Variants in TTN observed in about 807,000 individuals in gnomAD.
The protein encoded by TTN is connectin.
A neutral mutation model predicts 3,223.0 loss-of-function variants in TTN; 1,525 were observed. The ratio of observed to expected loss-of-function variants is 0.47; its 90% confidence interval spans 0.45 to 0.49. The LOEUF is 0.49. Ranked by LOEUF, TTN falls within the 20% of genes least tolerant of loss-of-function variation. The pLI is 0.00. For missense variants in TTN, 40,786 were observed against 43,424.0 expected (o/e 0.94, Z 5.40); for synonymous variants, 14,094 against 15,161.0 (o/e 0.93, Z 5.17).
Position 178,731,099 on chromosome 2 carries a change from A to G in TTN, c.17566T>C (p.Trp5856Arg). The change falls in exon 60 of 363, where the codon TGG becomes CGG. Residue 5856 changes from tryptophan (W) to arginine (R), a missense_variant. Transcript: ENST00000589042. ...FSGTKEITAK[W>R]FKDGQELTLG... The stretch of plus-strand genomic sequence containing the variant: ...GTCAGTTCTTGGCCATCTTTAAACC[A>G]TTTGGCTGTAATCTCCTTAGTCCCT... The G allele has an allele frequency of 6.2e-7, 1 of 1,613,694 alleles. No homozygotes were observed. Among genetic ancestry groups the G allele is most frequent in the African/African-American group, 1.3e-5 (1 of 75,008 alleles).
Position 178,569,963 on chromosome 2 carries a change from G to A in TTN, c.76169C>T (p.Pro25390Leu), listed in dbSNP as rs775467614. 2 of 1,612,130 alleles carry A rather than the reference G, an allele frequency of 1.2e-6. No homozygotes were observed. Among genetic ancestry groups the A allele is most frequent in the East Asian group, 2.2e-5 (1 of 44,726 alleles). ...CTTTTGGTAAGCAGAAGGAGGGCTTGGTTCACTAAGTCCAGCAGCATTCTC... is the reference window on the plus strand; with the variant it reads ...CTTTTGGTAAGCAGAAGGAGGGCTTAGTTCACTAAGTCCAGCAGCATTCTC... ...SAENAAGLSEPSPPSAYQKAC... is the reference protein window; with the variant it reads ...SAENAAGLSELSPPSAYQKAC... The change falls in exon 326 of 363, where the codon CCA becomes CTA. Residue 25390 changes from proline to leucine, a missense_variant. Coordinates refer to ENST00000589042, the MANE Select transcript of TTN (RefSeq NM_001267550.2).
chr2:178,601,978 A>G, intron 284 of TTN, 24 bp downstream of exon 284: 2 of 1,612,726 alleles, frequency 1.2e-6, no homozygotes, highest in Non-Finnish European at 1.7e-6. Context: ...AGTGGAAAAA[A>G]GAGGAGAATG....
In TTN at chr2:178,531,679, C is replaced by G. The variant is rs376634193; in HGVS notation, c.104936G>C (p.Gly34979Ala). 1.3e-4 allele frequency: 211 copies of G among 1,613,842 alleles called. No homozygotes were observed. Among genetic ancestry groups the G allele is most frequent in the Non-Finnish European group, 1.6e-4 (193 of 1,179,874 alleles). Reference protein sequence around the residue: ...PTAEVKWYHNGVELQESSKIH... With the variant: ...PTAEVKWYHNAVELQESSKIH... ...CTTACTGCTTTCTTGGAGTTCCACACCATTGTGGTACCATTTAACCTCGGC... is the reference window on the plus strand; with the variant it reads ...CTTACTGCTTTCTTGGAGTTCCACAGCATTGTGGTACCATTTAACCTCGGC... The change falls in exon 358 of 363, where the codon GGT becomes GCT. Residue 34979 changes from glycine to alanine, a missense_variant. Gly to Ala is a moderately conservative substitution (Grantham distance 60, BLOSUM62 0). Coordinates refer to ENST00000589042, the MANE Select transcript of TTN (RefSeq NM_001267550.2).
In TTN at chr2:178,729,821, A is replaced by G. The variant is rs749504085; in HGVS notation, c.18432T>C (p.Asn6144=). The change falls in exon 63 of 363, where the codon AAT becomes AAC. Residue 6144 remains asparagine (N), a synonymous_variant. Transcript: ENST00000589042. ...KIRVSWYLDG[N]EITAIQKHGI... is the part of the protein sequence containing the mutation. ...CATGTTTCTGAATGGCTGTTATTTCATTCCCGTCTAGATACCAAGACACTC... is the reference window on the plus strand; with the variant it reads ...CATGTTTCTGAATGGCTGTTATTTCGTTCCCGTCTAGATACCAAGACACTC... 8 of 1,613,598 alleles carry G rather than the reference A, an allele frequency of 5.0e-6. No homozygotes were observed. In the African/African-American group the frequency reaches 6.7e-5, roughly 13 times the overall value.
At position 178,790,079 on chromosome 2, in the gene TTN, C is replaced by T; in HGVS notation, c.1837G>A (p.Val613Ile). The change falls in exon 12 of 363, where the codon GTC (valine) becomes ATC (isoleucine). Residue 613 changes from valine to isoleucine, a missense_variant. By Grantham distance (29) the Val-to-Ile change is conservative. Transcript: ENST00000589042. ...KETRKTVVPK[V>I]IVATPKVKEQ... ...TTGACTTTGGGTGTGGCAACTATGA[C>T]TTTAGGTACAACTGTTTTCCTAGTT... 1 of 1,613,054 alleles carries T rather than the reference C, an allele frequency of 6.2e-7. No individual in the cohort carries two copies. The highest frequency in any genetic ancestry group is 8.5e-7 in the Non-Finnish European group (1 of 1,179,408).
At position 178,542,383 on chromosome 2, in the gene TTN, G is replaced by A. The variant is rs749501290; in HGVS notation, c.97373C>T (p.Thr32458Met). ...TTCGGTGAGTCTGGTAAACTTAAAC[G>A]TGGACCTAGTCACTGATTCAGAAAC... ...LPVSESVTRS[T>M]FKFTRLTEGN... The change falls in exon 349 of 363, where the codon ACG (threonine) becomes ATG (methionine). Residue 32458 changes from threonine (T) to methionine (M), a missense_variant. By Grantham distance (81) the Thr-to-Met change is moderately conservative. Coordinates refer to ENST00000589042, the MANE Select transcript of TTN (RefSeq NM_001267550.2). The A allele has an allele frequency of 1.9e-6, 3 of 1,613,472 alleles. No homozygotes were observed. The highest frequency in any genetic ancestry group is 1.7e-5 in the Admixed American group (1 of 59,984).
Position 178,692,698 on chromosome 2 carries a change from T to C in TTN, c.31595-118A>G. 1.8e-5 allele frequency: 13 copies of C among 737,742 alleles called. No homozygotes were observed. In the South Asian group the frequency reaches 3.0e-4, roughly 17 times the overall value. 45.7% of individuals were successfully genotyped at this position (737,742 alleles called of 1,614,324 possible). A position where few individuals can be genotyped will look rare whatever the true frequency, so the allele number is the denominator to read the frequency against. On this transcript the variant is annotated intron_variant, in intron 119 of 362. Transcript: ENST00000589042. ...ATACCAACTGAATGCAAGAAAATTA[T>C]GCTTTAGAAATGAGAGTAAATGAAG...
At chr2:178,688,981 C>G in intron 125 of TTN, 72 bp downstream of exon 125, 1 of 1,495,654 alleles carries the variant, frequency 6.7e-7, no homozygotes, top group Non-Finnish European at 9.2e-7. Flanking sequence ...ATGGAAAAAG[C>G]AAGAATTTAA....
intron 340 of TTN, 49 bp from the exon 341 acceptor site, chr2:178,546,954 C>G: frequency 3.2e-6 from 5 of 1,582,888 alleles, no homozygotes; most frequent in Non-Finnish European, 4.3e-6. Context: ...CTGAGTTCTA[C>G]TAGAATCAGT....
Position 178,561,810 on chromosome 2 carries a change from C to A in TTN, c.84322G>T (p.Ala28108Ser). 1 of 1,613,646 alleles carries A rather than the reference C, an allele frequency of 6.2e-7. No individual in the cohort carries two copies. ...TSTTWHIVSQAVARTSIKIVR... is the reference protein window; with the variant it reads ...TSTTWHIVSQSVARTSIKIVR... ...ATTTTAATGGATGTTCTTGCAACTG[C>A]TTGTGAAACTATGTGCCATGTTGTA... Residue 28108 changes from alanine to serine, a missense_variant, in exon 326 of 363, where the codon GCA (alanine) becomes TCA (serine). Ala to Ser is a moderately conservative substitution (Grantham distance 99). Transcript: ENST00000589042.
intron 70 of TTN, 36 bp from the exon 71 acceptor site, chr2:178,725,685 G>A (rs2079221053): frequency 6.4e-7 from 1 of 1,551,612 alleles, no homozygotes; most frequent in South Asian, 1.3e-5. Context: ...TTGTTGAAAA[G>A]ATTGTCCAGA....
At chr2:178,789,272 T>C (rs1468323991) in intron 13 of TTN, 88 bp downstream of exon 13, 3 of 1,538,900 alleles carry the variant, frequency 1.9e-6, no homozygotes, top group Non-Finnish European at 2.7e-6. Flanking sequence ...AGACTTGATA[T>C]TAATGTATTA....
At position 178,800,321 on chromosome 2, in the gene TTN, G is replaced by A. The variant is rs564131226; in HGVS notation, c.583+74C>T. On this transcript the variant is annotated intron_variant, in intron 4 of 362. Transcript: ENST00000589042. ...TTCCCAGGGCTGTGAGAGGTGGCAA[G>A]TGGACGCTTGGCCCCATTTAGACAC... The A allele has an allele frequency of 1.6e-5, 25 of 1,590,086 alleles. No homozygotes were observed. In the African/African-American group the frequency reaches 2.0e-4, roughly 13 times the overall value.
In TTN at chr2:178,543,722, G is replaced by T. The variant is rs892719264; in HGVS notation, c.96311-60C>A. The stretch of plus-strand genomic sequence containing the variant: ...TTGCCTGATAGCTTTTTTTTTCTTG[G>T]GGAAATATAATCAACATAGTTCCTT... On this transcript the variant is annotated intron_variant, in intron 346 of 362. Coordinates refer to ENST00000589042, the MANE Select transcript of TTN (RefSeq NM_001267550.2). 1.4e-5 allele frequency: 21 copies of T among 1,513,910 alleles called. No homozygotes were observed. The African/African-American group carries it at 2.2e-4, about 16-fold the overall frequency. The allele number at this position is 1,513,910 out of a possible 1,614,324, so 93.8% of individuals were successfully genotyped here. A position where few individuals can be genotyped will look rare whatever the true frequency, so the allele number is the denominator to read the frequency against.
Position 178,775,118 on chromosome 2 carries a change from G to A in TTN, c.6593C>T (p.Thr2198Ile), listed in dbSNP as rs886038879. 2 of 1,613,876 alleles carry A rather than the reference G, an allele frequency of 1.2e-6. No individual in the cohort carries two copies. Among genetic ancestry groups the A allele is most frequent in the African/African-American group, 1.3e-5 (1 of 74,886 alleles). Residue 2198 changes from threonine to isoleucine, a missense_variant, in exon 29 of 363, where the codon ACT (threonine) becomes ATT (isoleucine). Physicochemically the swap from Thr to Ile is moderately conservative, Grantham distance 89. Transcript: ENST00000589042. ...KDTMATFECETSEPFVKVKWY... is the reference protein window; with the variant it reads ...KDTMATFECEISEPFVKVKWY... ...TTTCACTTTGACAAATGGTTCTGAA[G>A]TTTCACATTCAAAGGTTGCCATAGT...
chr2:178,720,545 T>C lies in TTN; in HGVS notation c.23217A>G (p.Arg7739=), dbSNP rs2078187432. ...PPFEVVWVKD[R]KQVRNSKKFK... is the part of the protein sequence containing the mutation. Reference sequence around the variant, plus strand: ...ATTTCTTGCTGTTTCTAACCTGCTTTCGATCTTTAACCCATACTACTTCAA... The same window carrying C: ...ATTTCTTGCTGTTTCTAACCTGCTTCCGATCTTTAACCCATACTACTTCAA... Residue 7739 remains arginine, a synonymous_variant, in exon 80 of 363, where the codon CGA becomes CGG. Coordinates refer to ENST00000589042, the MANE Select transcript of TTN (RefSeq NM_001267550.2). 1 of 1,613,520 alleles carries C rather than the reference T, an allele frequency of 6.2e-7. No individual in the cohort carries two copies. Among genetic ancestry groups the C allele is most frequent in the East Asian group, 2.2e-5 (1 of 44,834 alleles).
In TTN at chr2:178,698,958, TGTAA is replaced by T. The variant is rs1447120694; in HGVS notation, c.30683-48_30683-45del. 3 of 1,468,140 alleles carry T rather than the reference TGTAA, an allele frequency of 2.0e-6. No homozygotes were observed. Among genetic ancestry groups the T allele is most frequent in the South Asian group, 2.7e-5 (2 of 74,046 alleles). 90.9% of individuals were successfully genotyped at this position (1,468,140 alleles called of 1,614,324 possible). A position where few individuals can be genotyped will look rare whatever the true frequency, so the allele number is the denominator to read the frequency against. On this transcript the variant is annotated intron_variant, in intron 111 of 362. Coordinates refer to ENST00000589042, the MANE Select transcript of TTN (RefSeq NM_001267550.2). ...AAAAAAAAAGAAAAAATATTTCTGG[TGTAA>T]GTAACTAAAATGCTTTCAGGAAACT...
rs756567616 is a variant in TTN at position 178,653,077 on chromosome 2, T to G, written c.38839A>C (p.Thr12947Pro). 1.3e-5 allele frequency: 21 copies of G among 1,605,048 alleles called. No homozygotes were observed. The highest frequency in any genetic ancestry group is 3.4e-6 in the Non-Finnish European group (4 of 1,176,646). The change falls in exon 199 of 363, where the codon ACT (threonine) becomes CCT (proline). Residue 12947 changes from threonine (T) to proline (P), a missense_variant. Physicochemically the swap from Thr to Pro is conservative, Grantham distance 38. Transcript: ENST00000589042. ...GGGACTTCAGGTTTTTTAGGAGGAG[T>G]CACTGGCACTTTCTTTTCAGGAACA... ...EVVPEKKVPVTPPKKPEVPPV... is the reference protein window; with the variant it reads ...EVVPEKKVPVPPPKKPEVPPV...
chr2:178,612,222 C>T, intron 266 of TTN, 55 bp downstream of exon 266: 1 of 1,603,282 alleles, frequency 6.2e-7, no homozygotes, highest in Admixed American at 1.7e-5. Flanking sequence ...TCTCCTGTCA[C>T]AAAAATTAAG....
Sources: allele counts gnomAD v4.1 joint callset, GRCh38; gene constraint gnomAD v4.1.1; transcripts MANE v1.5; gene names NCBI Gene and HGNC (gene_info 2026-07-23, HGNC 2026-07-21).